UGDH: variants seen among roughly 807,000 people sequenced by gnomAD.
The protein encoded by UGDH is UDP-glucose 6-dehydrogenase.
Under a neutral mutation model 50.6 loss-of-function variants are expected in UGDH, and 38 were observed. The ratio of observed to expected loss-of-function variants is 0.75; its 90% CI spans 0.58 to 0.98. The LOEUF (loss-of-function observed/expected upper bound fraction) is 0.98, where lower values mean the gene tolerates loss of function less well. Among genes scored for constraint, UGDH ranks in the 50% least tolerant of loss-of-function variants. The probability of loss-of-function intolerance (pLI) is 0.00; values close to 1 mark genes in which losing one functional copy is unlikely to be tolerated. For synonymous variants in UGDH, 168 were observed against 199.9 expected (o/e 0.84, Z 1.35); for missense variants, 465 against 606.2 (o/e 0.77, Z 2.45).
At chr4:39,500,653 C>CTTTTTT (rs11284301) in intron 11 of UGDH, among the ~76,000 whole-genome samples, 17 of 135,222 alleles carry the variant, frequency 1.3e-4, no homozygotes, top group Non-Finnish European at 1.4e-4. Flanking sequence ...GCATAATTCT[C>CTTTTTT]TTTTTTTTTT....
intron 6 of UGDH, 85 bp from the exon 7 acceptor site, chr4:39,508,745 A>C (rs111422348): frequency 8.8e-7 from 1 of 1,142,690 alleles, no homozygotes; most frequent in African/African-American, 1.7e-5. Flanking sequence ...ACTAAATCAG[A>C]AAGCTTATAC....
chr4:39,521,086 A>AAG (rs1560268739), intron 2 of UGDH, among the ~76,000 whole-genome samples: 8 of 148,158 alleles, frequency 5.4e-5, no homozygotes, highest in Admixed American at 6.8e-5. Context: ...AAAAAAAAAA[A>AAG]AAAAGAAAAC....
Position 39,513,643 on chromosome 4 carries a change from T to A in UGDH, c.264+440A>T, listed in dbSNP as rs977565943. The stretch of plus-strand genomic sequence containing the variant: ...CCTCTGCCTCCTTGGTTCAAGCGAT[T>A]CTCCTGCCTCAGCCTCTTGAGTAGC... On this transcript the variant is annotated intron_variant, in intron 3 of 11. Coordinates refer to ENST00000316423, the MANE Select transcript of UGDH (RefSeq NM_003359.4). Among the ~76,000 whole-genome samples the A allele has an allele frequency of 2.0e-5, 3 of 150,712 alleles. No homozygotes were observed. The South Asian group carries it at 6.3e-4, about 32-fold the overall frequency.
chr4:39,510,910 T>G, intron 3 of UGDH, 49 bp from the exon 4 acceptor site: 1 of 1,584,846 alleles, frequency 6.3e-7, no homozygotes, highest in Non-Finnish European at 8.7e-7. Context: ...GAGATAGGGA[T>G]TTCAAGATAT....
At position 39,505,739 on chromosome 4, in the gene UGDH, T is replaced by C. The variant is rs1578265048; in HGVS notation, c.916A>G (p.Met306Val). Residue 306 changes from methionine (M) to valine (V), a missense_variant, in exon 8 of 12, where the codon ATG (methionine) becomes GTG (valine). Coordinates refer to ENST00000316423, the MANE Select transcript of UGDH (RefSeq NM_003359.4). ...AACCTCCTCCTCTGGTAGTCATTCATGTCTATGACCTGAAATTACATGTAC... is the reference window on the plus strand; with the variant it reads ...AACCTCCTCCTCTGGTAGTCATTCACGTCTATGACCTGAAATTACATGTAC... The part of the protein sequence containing the change: ...VARYWQQVID[M>V]NDYQRRRFAS... 4 of 1,606,646 alleles carry C rather than the reference T, an allele frequency of 2.5e-6. No homozygotes were observed. The highest frequency in any genetic ancestry group is 3.4e-6 in the Non-Finnish European group (4 of 1,175,980).
chr4:39,500,102 CA>C lies in UGDH; in HGVS notation c.*40del, dbSNP rs56814765. 166,500 of 1,047,906 alleles carry C rather than the reference CA, an allele frequency of 0.16. 2,585 individuals carry two copies. The highest frequency in any genetic ancestry group is 0.19 in the Middle Eastern group (739 of 3,820). 64.9% of individuals were successfully genotyped at this position (1,047,906 alleles called of 1,614,324 possible). On this transcript the variant is annotated 3_prime_UTR_variant, in exon 12 of 12. Coordinates refer to ENST00000316423, the MANE Select transcript of UGDH (RefSeq NM_003359.4). ...ATAGATATTTGCTATCCTGAAGTAC[CA>C]AAAAAAAAAAAAAAAAATCACAAAT...
Position 39,504,486 on chromosome 4 carries a change from G to A in UGDH, c.1194C>T (p.Ser398=), listed in dbSNP as rs764625637. Residue 398 remains serine, a synonymous_variant, in exon 10 of 12, where the codon TCC becomes TCT. Transcript: ENST00000316423. ...DDQVSRLVTI[S]KDPYEACDGA... is the part of the protein sequence containing the mutation. Reference sequence around the variant, plus strand: ...CATCACATGCTTCATATGGATCCTTGGAAATGGTCACGAGCCGGGACACTG... The same window carrying A: ...CATCACATGCTTCATATGGATCCTTAGAAATGGTCACGAGCCGGGACACTG... 5 of 1,613,814 alleles carry A rather than the reference G, an allele frequency of 3.1e-6. No homozygotes were observed. The highest frequency in any genetic ancestry group is 3.4e-6 in the Non-Finnish European group (4 of 1,179,980).
chr4:39,501,519 C>T (rs915466393), intron 11 of UGDH, among the ~76,000 whole-genome samples: 58 of 151,854 alleles, frequency 3.8e-4, no homozygotes, highest in Admixed American at 2.8e-3. Flanking sequence ...ATGATCCGCC[C>T]GCCTCGGCCT....
chr4:39,516,704 A>G (rs1023756868), intron 2 of UGDH, among the ~76,000 whole-genome samples: 1 of 152,170 alleles, frequency 6.6e-6, no homozygotes, highest in African/African-American at 2.4e-5. Context: ...GTACATATGA[A>G]TTTCCATTAG....
At position 39,505,102 on chromosome 4, in the gene UGDH, T is replaced by C. The variant is rs1015198137; in HGVS notation, c.1171+135A>G. 3 of 850,550 alleles carry C rather than the reference T, an allele frequency of 3.5e-6. No homozygotes were observed. The African/African-American group carries it at 5.3e-5, about 15-fold the overall frequency. The allele number at this position is 850,550 out of a possible 1,614,324, so 52.7% of individuals were successfully genotyped here. A position where few individuals can be genotyped will look rare whatever the true frequency, so the allele number is the denominator to read the frequency against. On this transcript the variant is annotated intron_variant, in intron 9 of 11. Transcript: ENST00000316423. ...GTTGATGACATTATGCCTAAGACTT[T>C]AATTTCAGAGAAATGAGGTTGAAAA...
In UGDH at chr4:39,508,667, A is replaced by G. The variant is rs767356452; in HGVS notation, c.812-7T>C. The G allele has an allele frequency of 1.3e-6, 2 of 1,586,476 alleles. No individual in the cohort carries two copies. The highest frequency in any genetic ancestry group is 2.3e-5 in the East Asian group (1 of 43,178). ...AAACAGCTCCCACCAAACCCTGCAG[A>G]AAGAAAAAAATGAACAATATTTTCA... On this transcript the variant is annotated splice_polypyrimidine_tract_variant and splice_region_variant and intron_variant, in intron 6 of 11. Coordinates refer to ENST00000316423, the MANE Select transcript of UGDH (RefSeq NM_003359.4).
chr4:39,512,000 G>A (rs921523846), intron 3 of UGDH, among the ~76,000 whole-genome samples: 2 of 147,188 alleles, frequency 1.4e-5, no homozygotes, highest in African/African-American at 5.0e-5. Context: ...ACTGCACCTG[G>A]CCAATGGGCG....
intron 1 of UGDH, chr4:39,526,907 A>C: frequency 4.1e-6 from 3 of 736,448 alleles, no homozygotes; most frequent in Non-Finnish European, 5.9e-6. Context: ...ACACAAACAA[A>C]AGACTACGAC....
chr4:39,515,938 G>A (rs1335117640), intron 2 of UGDH, among the ~76,000 whole-genome samples: 3 of 151,992 alleles, frequency 2.0e-5, no homozygotes, highest in Non-Finnish European at 2.9e-5. Flanking sequence ...GGCCTTAAGC[G>A]ATCCACCCGC....
chr4:39,500,739 C>T (rs1468697664), intron 11 of UGDH, among the ~76,000 whole-genome samples: 3 of 150,876 alleles, frequency 2.0e-5, no homozygotes, highest in Non-Finnish European at 4.4e-5. Context: ...TCACTGCAAC[C>T]TCCGTCTCCT....
At chr4:39,501,198 C>T (rs11735337) in intron 11 of UGDH, among the ~76,000 whole-genome samples, 8,971 of 151,310 alleles carry the variant, frequency 0.059, 311 homozygotes, top group African/African-American at 0.072. Flanking sequence ...GAACTCCTGA[C>T]TTCGTGATCC....
rs1190838461 is a variant in UGDH, at chr4:39,507,935, CTT to C, written c.906+629_906+630del. On this transcript the variant is annotated intron_variant, in intron 7 of 11. Coordinates refer to ENST00000316423, the MANE Select transcript of UGDH (RefSeq NM_003359.4). Reference sequence around the variant, plus strand: ...TCTAGCCTGGGTGACAAAGTGAGATCTTGTCTCAAAAAAAAAAAAAAAAAAAA... The same window carrying C: ...TCTAGCCTGGGTGACAAAGTGAGATCGTCTCAAAAAAAAAAAAAAAAAAAA... 4.3e-5 allele frequency among the ~76,000 whole-genome samples: 5 copies of C among 117,172 alleles called. No individual in the cohort carries two copies. In the East Asian group the frequency reaches 1.0e-3, roughly 24 times the overall value. The allele number at this position is 117,172 out of a possible 152,430, so 76.9% of individuals were successfully genotyped here. A position where few individuals can be genotyped will look rare whatever the true frequency, so the allele number is the denominator to read the frequency against.
chr4:39,505,273 C>T lies in UGDH; in HGVS notation c.1135G>A (p.Asp379Asn). ...TCTGAAACACCTGGATGAGAAAGAT[C>T]CACAACTATTTGTTCCCTAGGTACT... ...PKVPREQIVVDLSHPGVSEDD... is the reference protein window; with the variant it reads ...PKVPREQIVVNLSHPGVSEDD... Residue 379 changes from aspartate to asparagine, a missense_variant, in exon 9 of 12, where the codon GAT (aspartate) becomes AAT (asparagine). Physicochemically the swap from Asp to Asn is conservative, Grantham distance 23. Coordinates refer to ENST00000316423, the MANE Select transcript of UGDH (RefSeq NM_003359.4). 1.2e-6 allele frequency: 2 copies of T among 1,601,184 alleles called. No individual in the cohort carries two copies. Among genetic ancestry groups the T allele is most frequent in the Non-Finnish European group, 1.7e-6 (2 of 1,176,088 alleles).
intron 3 of UGDH, among the ~76,000 whole-genome samples, chr4:39,511,542 C>T (rs1393287372): frequency 2.0e-5 from 3 of 152,022 alleles, no homozygotes; most frequent in African/African-American, 7.3e-5. Flanking sequence ...GGATTACAGG[C>T]GTGAGCCACC....
Sources: gnomAD v4.1 joint callset for allele counts (sites outside exome capture counted in the v4.1 genomes callset) on GRCh38, gnomAD v4.1.1 for gene constraint, MANE v1.5 for transcripts, NCBI Gene and HGNC (gene_info 2026-07-23, HGNC 2026-07-21) for gene names.